Variants in CDH8 observed in about 807,000 individuals in gnomAD.
CDH8 encodes cadherin 8, also known as cadherin-8.
Under a neutral mutation model 68.1 loss-of-function variants are expected in CDH8, and 17 were observed. The observed-to-expected ratio is 0.25, with a 90% CI of 0.17 to 0.37. The LOEUF (loss-of-function observed/expected upper bound fraction) is 0.37. Among genes scored for constraint, CDH8 ranks in the 10% least tolerant of loss-of-function variants. The probability of loss-of-function intolerance (pLI) is 1.00; values close to 1 mark genes in which losing one functional copy is unlikely to be tolerated. For synonymous variants in CDH8, 372 were observed against 365.1 expected (o/e 1.02, Z -0.21); for missense variants, 763 against 999.3 (o/e 0.76, Z 3.19).
intron 7 of CDH8, among the ~76,000 whole-genome samples, chr16:61,790,253 C>G (rs943632156): frequency 6.6e-6 from 1 of 151,948 alleles, no homozygotes; most frequent in Non-Finnish European, 1.5e-5. Context: ...GAGCAAACTG[C>G]TTCTCAGGAC....
At position 61,959,984 on chromosome 16, in the gene CDH8, GTATATATATATATATA is replaced by G. The variant is rs1181394965; in HGVS notation, c.253-58527_253-58512del. On this transcript the variant is annotated intron_variant, in intron 2 of 11. Coordinates refer to ENST00000577390, the MANE Select transcript of CDH8 (RefSeq NM_001796.5). ...GTATGTGGTGTATGTGTGTGTGTGTGTATATATATATATATATATATATATATATATACACACATAC... is the reference window on the plus strand; with the variant it reads ...GTATGTGGTGTATGTGTGTGTGTGTGTATATATATATATATACACACATAC... 5.6e-4 allele frequency among the ~76,000 whole-genome samples: 25 copies of G among 44,538 alleles called. 1 individual carries two copies. The highest frequency in any genetic ancestry group is 1.0e-3 in the South Asian group (1 of 976). The allele number at this position is 44,538 out of a possible 152,430, so 29.2% of individuals were successfully genotyped here. A position where few individuals can be genotyped will look rare whatever the true frequency, so the allele number is the denominator to read the frequency against.
chr16:61,865,141 ATGGGAATGGAGACAGATTC>A (rs1384216337), intron 3 of CDH8, among the ~76,000 whole-genome samples: 2 of 152,170 alleles, frequency 1.3e-5, no homozygotes, highest in African/African-American at 2.4e-5. Context: ...TAAGTTTATT[ATGGGAATGGAGACAGATTC>A]TTAACTGCAG....
intron 3 of CDH8, among the ~76,000 whole-genome samples, chr16:61,884,980 A>T (rs901095400): frequency 6.6e-6 from 1 of 152,196 alleles, no homozygotes; most frequent in African/African-American, 2.4e-5. Flanking sequence ...CCAGAAGGAA[A>T]AAAAAGGAGG....
rs190820840 is a variant in CDH8, at chr16:61,810,358, T to G, written c.1277+7121A>C. The stretch of plus-strand genomic sequence containing the variant: ...CTCTAACTGCTTTAATAAATAATAT[T>G]ATCTGAGTTCTGCTAGTTCCAGAAT... On this transcript the variant is annotated intron_variant, in intron 7 of 11. Transcript: ENST00000577390. 3.2e-3 allele frequency among the ~76,000 whole-genome samples: 492 copies of G among 152,262 alleles called. 3 individuals are homozygous for G. The highest frequency in any genetic ancestry group is 0.011 in the African/African-American group (474 of 41,550).
At chr16:61,932,068 G>A (rs536875902) in intron 2 of CDH8, among the ~76,000 whole-genome samples, 19 of 152,038 alleles carry the variant, frequency 1.2e-4, no homozygotes, top group South Asian at 1.2e-3. Context: ...TTAGCCGGGC[G>A]TGGTGGTGGG....
At chr16:61,881,302 C>T (rs1329967394) in intron 3 of CDH8, among the ~76,000 whole-genome samples, 1 of 152,070 alleles carries the variant, frequency 6.6e-6, no homozygotes, top group East Asian at 1.9e-4. Context: ...TCTCATATGT[C>T]CATGTCACAT....
chr16:61,661,714 A>G (rs540989392), intron 10 of CDH8, among the ~76,000 whole-genome samples: 1 of 151,778 alleles, frequency 6.6e-6, no homozygotes, highest in Non-Finnish European at 1.5e-5. Flanking sequence ...GCCTAAGGCA[A>G]TCAGAAGAAA....
intron 2 of CDH8, among the ~76,000 whole-genome samples, chr16:61,908,407 C>T (rs887367524): frequency 4.6e-5 from 7 of 152,094 alleles, no homozygotes; most frequent in Admixed American, 2.0e-4. Context: ...ACTAGGACAG[C>T]GAAAGGGCAG....
chr16:61,838,358 G>A (rs113388105), intron 4 of CDH8, among the ~76,000 whole-genome samples: 17 of 152,122 alleles, frequency 1.1e-4, no homozygotes, highest in African/African-American at 3.9e-4. Context: ...ATGAATGAAC[G>A]GATATTGAAG....
chr16:61,803,399 C>A (rs2142997580), intron 7 of CDH8, among the ~76,000 whole-genome samples: 1 of 130,930 alleles, frequency 7.6e-6, no homozygotes, highest in African/African-American at 3.1e-5. Flanking sequence ...TAGGAAGAAA[C>A]TGCATCAACT....
At chr16:61,908,019 C>T (rs1025916872) in intron 2 of CDH8, among the ~76,000 whole-genome samples, 4 of 132,666 alleles carry the variant, frequency 3.0e-5, no homozygotes, top group Admixed American at 1.7e-4. Flanking sequence ...CTCCAGCCTG[C>T]GCGACAGAGT....
chr16:61,776,707 T>A (rs1030019426), intron 8 of CDH8, among the ~76,000 whole-genome samples: 1 of 152,118 alleles, frequency 6.6e-6, no homozygotes, highest in Non-Finnish European at 1.5e-5. Context: ...AGAATTGAGT[T>A]TATATTATGA....
At chr16:61,697,016 A>G (rs961135572) in intron 10 of CDH8, among the ~76,000 whole-genome samples, 8 of 152,178 alleles carry the variant, frequency 5.3e-5, no homozygotes, top group African/African-American at 1.9e-4. Flanking sequence ...TAACAGGATT[A>G]TTCATATATA....
At chr16:61,914,077 G>C (rs537725320) in intron 2 of CDH8, among the ~76,000 whole-genome samples, 1 of 152,228 alleles carries the variant, frequency 6.6e-6, no homozygotes, top group East Asian at 1.9e-4. Flanking sequence ...CATATAGAGA[G>C]AGCAGGGATG....
chr16:61,717,890 A>G (rs1425053827), intron 9 of CDH8, among the ~76,000 whole-genome samples: 4 of 151,514 alleles, frequency 2.6e-5, no homozygotes, highest in Non-Finnish European at 5.9e-5. Flanking sequence ...CTTGAGAGGT[A>G]AATATTAAGA....
chr16:61,895,865 C>T (rs957657103), intron 3 of CDH8, among the ~76,000 whole-genome samples: 1 of 152,054 alleles, frequency 6.6e-6, no homozygotes, highest in Admixed American at 6.6e-5. Flanking sequence ...TTATTGAATT[C>T]CTCCAAACAC....
At chr16:61,768,439 T>TCTCTCTCC (rs1960692535) in intron 8 of CDH8, among the ~76,000 whole-genome samples, 1 of 142,938 alleles carries the variant, frequency 7.0e-6, no homozygotes, top group African/African-American at 2.7e-5. Context: ...CCTCTCCCTC[T>TCTCTCTCC]CTCTCTCGCA....
chr16:61,761,458 A>G (rs2142970408), intron 8 of CDH8, among the ~76,000 whole-genome samples: 1 of 152,276 alleles, frequency 6.6e-6, no homozygotes, highest in South Asian at 2.1e-4. Flanking sequence ...GCTATTGGAA[A>G]AGGAAGTTCA....
At chr16:61,996,150 C>T (rs751130729) in intron 2 of CDH8, among the ~76,000 whole-genome samples, 4 of 152,204 alleles carry the variant, frequency 2.6e-5, no homozygotes, top group Non-Finnish European at 4.4e-5. Flanking sequence ...TCTTCTATTT[C>T]GTAGCTTAGA....
Sources: gnomAD v4.1 joint callset for allele counts (sites outside exome capture counted in the v4.1 genomes callset) on GRCh38, gnomAD v4.1.1 for gene constraint, MANE v1.5 for transcripts, NCBI Gene and HGNC (gene_info 2026-07-23, HGNC 2026-07-21) for gene names.